Variants in PRELID2 observed in about 807,000 individuals in gnomAD.
The protein encoded by PRELID2 is PRELI domain containing 2.
A neutral mutation model predicts 28.4 loss-of-function variants in PRELID2; 25 were observed. The ratio of observed to expected loss-of-function variants is 0.88; its 90% CI spans 0.64 to 1.23. PRELID2 has a LOEUF of 1.23. Ranked by LOEUF, PRELID2 falls within the 50% of genes most tolerant of loss-of-function variation. The pLI is 0.00. For missense variants in PRELID2, 201 were observed against 214.4 expected, an observed-to-expected ratio of 0.94 and a Z score of 0.39; for synonymous variants, 76 against 71.6, an observed-to-expected ratio of 1.06 and a Z score of -0.31.
At chr5:145,264,435 T>C in the PRELID2 span, among the ~76,000 whole-genome samples, 1 of 151,872 alleles carries the variant, frequency 6.6e-6, no homozygotes, top group East Asian at 2.0e-4. Context: ...TTTGAAAAAA[T>C]CCAGCATCCC....
intron 1 of PRELID2, among the ~76,000 whole-genome samples, chr5:145,624,011 C>A (rs1211796876): frequency 6.6e-6 from 1 of 152,122 alleles, no homozygotes; most frequent in African/African-American, 2.4e-5. Context: ...CATGCCTCCA[C>A]CCAGATTTAA....
At chr5:145,468,220 T>C (rs1443857045), downstream of PRELID2, among the ~76,000 whole-genome samples, 1 of 152,158 alleles carries the variant, frequency 6.6e-6, no homozygotes, top group African/African-American at 2.4e-5. Flanking sequence ...TCCAGCTTCA[T>C]CCATGTCCCT....
chr5:145,597,283 T>A (rs1223018100), intron 1 of PRELID2, among the ~76,000 whole-genome samples: 1 of 152,168 alleles, frequency 6.6e-6, no homozygotes, highest in Non-Finnish European at 1.5e-5. Context: ...TATTTTATTT[T>A]CCTTTACTAT....
At chr5:145,611,960 C>A (rs934973021) in intron 1 of PRELID2, among the ~76,000 whole-genome samples, 2 of 151,998 alleles carry the variant, frequency 1.3e-5, no homozygotes, top group African/African-American at 4.8e-5. Flanking sequence ...ACAAATAGAC[C>A]AATGGAACAA....
intron 1 of PRELID2, among the ~76,000 whole-genome samples, chr5:145,476,472 C>T (rs147611329): frequency 0.015 from 2,215 of 152,164 alleles, 33 homozygotes; most frequent in African/African-American, 0.037. Flanking sequence ...GGGTGAAACT[C>T]TATCTCTACT....
At position 145,553,486 on chromosome 5, in the gene PRELID2, A is replaced by G. The variant is rs998440801; in HGVS notation, n.71-80171T>C. ...ACTTTTTCTTTGTATCACCTTCCTCATGTGCAAAACAAGACTAATAGTAGT... is the reference window on the plus strand; with the variant it reads ...ACTTTTTCTTTGTATCACCTTCCTCGTGTGCAAAACAAGACTAATAGTAGT... On this transcript the variant is annotated intron_variant and non_coding_transcript_variant, in intron 1 of 2. Transcript: ENST00000510259. Among the ~76,000 whole-genome samples the G allele has an allele frequency of 3.9e-5, 6 of 152,138 alleles. No homozygotes were observed. The South Asian group carries it at 6.2e-4, about 16-fold the overall frequency.
the PRELID2 span, among the ~76,000 whole-genome samples, chr5:145,431,865 A>G: frequency 6.6e-6 from 1 of 152,208 alleles, no homozygotes; most frequent in African/African-American, 2.4e-5. Flanking sequence ...TAGCAGATAC[A>G]TGCAAAGACA....
chr5:145,777,040 G>A (rs1438666279), intron 5 of PRELID2, among the ~76,000 whole-genome samples: 2 of 152,154 alleles, frequency 1.3e-5, no homozygotes, highest in Non-Finnish European at 2.9e-5. Flanking sequence ...AGCAATTCTG[G>A]CTCTTGTTTG....
At chr5:145,604,234 C>T (rs753667911) in intron 1 of PRELID2, among the ~76,000 whole-genome samples, 20 of 152,028 alleles carry the variant, frequency 1.3e-4, no homozygotes, top group Non-Finnish European at 2.5e-4. Context: ...TTTTTACCTA[C>T]TCCCTCCTTC....
chr5:145,292,108 A>C, the PRELID2 span, among the ~76,000 whole-genome samples: 2 of 151,252 alleles, frequency 1.3e-5, no homozygotes, highest in African/African-American at 4.9e-5. Flanking sequence ...TAGGCTCTAC[A>C]AAAAAAAGGT....
intron 1 of PRELID2, among the ~76,000 whole-genome samples, chr5:145,705,152 T>C (rs996040972): frequency 6.6e-6 from 1 of 151,896 alleles, no homozygotes; most frequent in Non-Finnish European, 1.5e-5. Flanking sequence ...GAAAGCACTC[T>C]AACAACTGAT....
At chr5:145,641,412 C>T (rs1227225844) in intron 1 of PRELID2, among the ~76,000 whole-genome samples, 3 of 151,988 alleles carry the variant, frequency 2.0e-5, no homozygotes, top group Admixed American at 6.5e-5. Context: ...ATCAGAAACA[C>T]GAAAGTTAAA....
At chr5:145,705,983 T>G (rs1300410700) in intron 1 of PRELID2, among the ~76,000 whole-genome samples, 1 of 144,898 alleles carries the variant, frequency 6.9e-6, no homozygotes, top group South Asian at 2.1e-4. Context: ...CCCCACAAAT[T>G]TGATTCAAAA....
At chr5:145,230,409 TA>T in the PRELID2 span, among the ~76,000 whole-genome samples, 17 of 152,124 alleles carry the variant, frequency 1.1e-4, no homozygotes, top group African/African-American at 4.1e-4. Flanking sequence ...CTGTCTCTAC[TA>T]AAAATACAAA....
intron 1 of PRELID2, among the ~76,000 whole-genome samples, chr5:145,481,476 A>T (rs531206280): frequency 3.6e-4 from 54 of 151,990 alleles, no homozygotes; most frequent in African/African-American, 1.2e-3. Context: ...ATATTATTTG[A>T]TCTTGTTTAT....
At chr5:145,498,622 C>T (rs186191624) in intron 1 of PRELID2, among the ~76,000 whole-genome samples, 6 of 152,104 alleles carry the variant, frequency 3.9e-5, no homozygotes, top group East Asian at 1.9e-4. Context: ...CTCCGCCTCC[C>T]GGTTCAAGCG....
intron 1 of PRELID2, among the ~76,000 whole-genome samples, chr5:145,741,635 AATTT>A (rs1339761927): frequency 0.031 from 648 of 20,692 alleles, 12 homozygotes; most frequent in Non-Finnish European, 0.051. Context: ...ATTTATTTAT[AATTT>A]ATTTATATAT....
chr5:145,230,937 C>T, the PRELID2 span, among the ~76,000 whole-genome samples: 2 of 152,200 alleles, frequency 1.3e-5, no homozygotes, highest in Non-Finnish European at 1.5e-5. Context: ...GACAATGTAG[C>T]TGGCTTCTTT....
the PRELID2 span, among the ~76,000 whole-genome samples, chr5:145,297,039 G>T: frequency 1.3e-5 from 2 of 151,380 alleles, no homozygotes; most frequent in African/African-American, 4.9e-5. Context: ...TGATGGGGTT[G>T]TTTGTTTTTT....
Sources: allele counts gnomAD v4.1 joint callset (sites outside exome capture counted in the v4.1 genomes callset), GRCh38; gene constraint gnomAD v4.1.1; transcripts MANE v1.5; gene names NCBI Gene and HGNC (gene_info 2026-07-23, HGNC 2026-07-21).